Variants in ZFAND3 observed in about 807,000 individuals in gnomAD.
The protein encoded by ZFAND3 is zinc finger AN1-type containing 3, also known as AN1-type zinc finger protein 3.
A neutral mutation model predicts 29.6 loss-of-function variants in ZFAND3; 10 were observed. That is an observed-to-expected ratio of 0.34 (90% CI 0.21 to 0.57). The LOEUF (loss-of-function observed/expected upper bound fraction) is 0.57, where lower values mean the gene tolerates loss of function less well. ZFAND3 is among the 20% of genes least tolerant of loss of function. The pLI is 0.86. For missense variants in ZFAND3, 230 were observed against 304.5 expected, an observed-to-expected ratio of 0.76 and a Z score of 1.82; for synonymous variants, 128 against 112.6, an observed-to-expected ratio of 1.14 and a Z score of -0.87.
chr6:38,023,520 G>A (rs1344269486), intron 2 of ZFAND3, among the ~76,000 whole-genome samples: 1 of 152,096 alleles, frequency 6.6e-6, no homozygotes, highest in East Asian at 1.9e-4. Context: ...GTATGACTAT[G>A]TAATTTTTAT....
intron 1 of ZFAND3, among the ~76,000 whole-genome samples, chr6:37,837,802 G>A (rs1310524983): frequency 1.3e-5 from 2 of 152,116 alleles, no homozygotes; most frequent in African/African-American, 2.4e-5. Flanking sequence ...CATTACGCCC[G>A]GCCGATAGAC....
chr6:37,888,261 A>C (rs867056203), intron 1 of ZFAND3, among the ~76,000 whole-genome samples: 10 of 152,326 alleles, frequency 6.6e-5, no homozygotes, highest in Admixed American at 1.3e-4. Flanking sequence ...GCATCGTTTG[A>C]ATGTCATTAA....
chr6:37,895,340 C>CT (rs1186723623), intron 1 of ZFAND3, among the ~76,000 whole-genome samples: 2 of 151,136 alleles, frequency 1.3e-5, no homozygotes, highest in Non-Finnish European at 1.5e-5. Context: ...TTCTTTTTCT[C>CT]TTTTTTTCTT....
chr6:38,024,126 C>G (rs971062651), intron 2 of ZFAND3, among the ~76,000 whole-genome samples: 3 of 152,132 alleles, frequency 2.0e-5, no homozygotes, highest in African/African-American at 7.2e-5. Flanking sequence ...ATGTATGATT[C>G]AACCCAGCAG....
At chr6:38,030,486 G>A (rs561295831) in intron 2 of ZFAND3, among the ~76,000 whole-genome samples, 2 of 152,234 alleles carry the variant, frequency 1.3e-5, no homozygotes, top group African/African-American at 4.8e-5. Flanking sequence ...GGACAACAGA[G>A]AATTGGGGAA....
chr6:38,100,106 C>T (rs1017910827), intron 4 of ZFAND3, among the ~76,000 whole-genome samples: 1 of 151,950 alleles, frequency 6.6e-6, no homozygotes, highest in Non-Finnish European at 1.5e-5. Context: ...CGCCAGTCAC[C>T]AGGCTGGAGT....
intron 4 of ZFAND3, among the ~76,000 whole-genome samples, chr6:38,106,661 C>T (rs982685406): frequency 1.3e-4 from 20 of 152,054 alleles, no homozygotes; most frequent in Admixed American, 6.5e-5. Context: ...CCTCATACCA[C>T]TTAGTATGGC....
chr6:37,843,197 T>C (rs1581702218), intron 1 of ZFAND3, among the ~76,000 whole-genome samples: 1 of 150,898 alleles, frequency 6.6e-6, no homozygotes, highest in East Asian at 2.0e-4. Flanking sequence ...TTTCTTTAAG[T>C]GTTCCTGGCT....
At chr6:37,985,531 C>CCA (rs1554164928) in intron 2 of ZFAND3, among the ~76,000 whole-genome samples, 1 of 109,028 alleles carries the variant, frequency 9.2e-6, no homozygotes, top group African/African-American at 3.8e-5. Flanking sequence ...ACACACACCC[C>CCA]CACACACGCC....
intron 4 of ZFAND3, among the ~76,000 whole-genome samples, chr6:38,113,904 G>T (rs1257759097): frequency 1.3e-5 from 2 of 152,172 alleles, no homozygotes; most frequent in Non-Finnish European, 2.9e-5. Flanking sequence ...TGACGGTTTG[G>T]GATAGATTCA....
chr6:38,071,122 A>G (rs1764446177), intron 3 of ZFAND3, among the ~76,000 whole-genome samples: 2 of 151,662 alleles, frequency 1.3e-5, no homozygotes, highest in Non-Finnish European at 1.5e-5. Context: ...ATATATGTAA[A>G]AAAAGAATTC....
intron 1 of ZFAND3, among the ~76,000 whole-genome samples, chr6:37,870,399 C>T (rs1320691029): frequency 6.7e-6 from 1 of 149,070 alleles, no homozygotes; most frequent in Non-Finnish European, 1.5e-5. Flanking sequence ...GTCAGAAGTT[C>T]GAGACCAGCC....
At chr6:37,920,596 A>G (rs1761359776) in intron 1 of ZFAND3, among the ~76,000 whole-genome samples, 1 of 152,224 alleles carries the variant, frequency 6.6e-6, no homozygotes, top group South Asian at 2.1e-4. Flanking sequence ...ACCACTGCTA[A>G]TTACAGTAAC....
intron 2 of ZFAND3, among the ~76,000 whole-genome samples, chr6:38,024,807 A>G (rs1581848308): frequency 6.6e-6 from 1 of 152,118 alleles, no homozygotes; most frequent in East Asian, 1.9e-4. Flanking sequence ...GCAATAGGAG[A>G]GGGAATGGGG....
At chr6:37,882,293 C>T (rs1289680988) in intron 1 of ZFAND3, among the ~76,000 whole-genome samples, 1 of 152,138 alleles carries the variant, frequency 6.6e-6, no homozygotes, top group Non-Finnish European at 1.5e-5. Context: ...CACGAAGCCC[C>T]TCCCCGTAGG....
intron 3 of ZFAND3, among the ~76,000 whole-genome samples, chr6:38,070,413 TAAAA>T (rs377285632): frequency 2.8e-5 from 3 of 108,996 alleles, no homozygotes; most frequent in Non-Finnish European, 1.9e-5. Context: ...AAACTTAGTC[TAAAA>T]AAAAAAAAAA....
At chr6:37,838,139 C>G (rs1157844772) in intron 1 of ZFAND3, among the ~76,000 whole-genome samples, 5 of 152,128 alleles carry the variant, frequency 3.3e-5, no homozygotes, top group Non-Finnish European at 7.3e-5. Flanking sequence ...ACTTCTGGCT[C>G]AGATTTAGAT....
intron 1 of ZFAND3, among the ~76,000 whole-genome samples, chr6:37,909,646 T>C (rs1372846162): frequency 1.3e-5 from 2 of 151,448 alleles, no homozygotes; most frequent in Non-Finnish European, 2.9e-5. Flanking sequence ...TTTTGATGTT[T>C]TGCTAAAGCT....
chr6:38,098,441 T>C (rs985342985), intron 4 of ZFAND3, among the ~76,000 whole-genome samples: 1 of 151,498 alleles, frequency 6.6e-6, no homozygotes, highest in African/African-American at 2.4e-5. Context: ...TGAGCCACAG[T>C]GCCTGGCCAG....
Sources: gnomAD v4.1 joint callset for allele counts (sites outside exome capture counted in the v4.1 genomes callset) on GRCh38, gnomAD v4.1.1 for gene constraint, MANE v1.5 for transcripts, NCBI Gene and HGNC (gene_info 2026-07-23, HGNC 2026-07-21) for gene names.